Variants in LYST observed in about 807,000 individuals in gnomAD.
LYST encodes lysosomal trafficking regulator, also known as lysosomal-trafficking regulator.
In LYST, 192 loss-of-function variants were observed where a neutral mutation model predicts 413.6. The observed-to-expected ratio is 0.46, with a 90% CI of 0.41 to 0.52. LYST has a LOEUF of 0.52. Ranked by LOEUF, LYST falls within the 20% of genes least tolerant of loss-of-function variation. LYST has a pLI of 0.00. For synonymous variants in LYST, 1,525 were observed against 1,567.3 expected, an observed-to-expected ratio of 0.97 and a Z score of 0.64; for missense variants, 3,815 against 4,499.9, an observed-to-expected ratio of 0.85 and a Z score of 4.35.
chr1:235,741,342 T>G (rs1426207870), intron 31 of LYST, 80 bp downstream of exon 31: 2 of 1,199,646 alleles, frequency 1.7e-6, no homozygotes, highest in Admixed American at 1.7e-5. Context: ...GAACATTCAG[T>G]TTAATTTCAG....
At chr1:235,787,723 T>C (rs544982139) in intron 13 of LYST, among the ~76,000 whole-genome samples, 3 of 152,174 alleles carry the variant, frequency 2.0e-5, no homozygotes, top group Non-Finnish European at 2.9e-5. Context: ...GAAAAATTAA[T>C]ATAAATGTCT....
At chr1:235,717,402 A>G (rs1662939644) in intron 40 of LYST, among the ~76,000 whole-genome samples, 1 of 152,246 alleles carries the variant, frequency 6.6e-6, no homozygotes, top group African/African-American at 2.4e-5. Flanking sequence ...GCCGGTGTTC[A>G]CATTCTGTGA....
chr1:235,702,526 G>A (rs577285772), intron 45 of LYST, among the ~76,000 whole-genome samples: 11 of 152,276 alleles, frequency 7.2e-5, no homozygotes, highest in Non-Finnish European at 1.3e-4. Flanking sequence ...CGTCTGAAAC[G>A]ATGAATTCTT....
At chr1:235,789,122 C>T (rs956539424) in intron 12 of LYST, among the ~76,000 whole-genome samples, 5 of 152,042 alleles carry the variant, frequency 3.3e-5, no homozygotes, top group Non-Finnish European at 5.9e-5. Context: ...GTAACCAGAC[C>T]GCTATGTGAC....
intron 49 of LYST, 31 bp from the exon 50 acceptor site, chr1:235,677,219 G>C: frequency 1.4e-6 from 2 of 1,458,316 alleles, no homozygotes; most frequent in Non-Finnish European, 1.9e-6. Flanking sequence ...ATTTGTATAT[G>C]ATCATTAAAT....
chr1:235,849,775 C>CAAA (rs57262471), intron 1 of LYST, among the ~76,000 whole-genome samples: 7 of 61,814 alleles, frequency 1.1e-4, no homozygotes, highest in South Asian at 7.0e-4. Flanking sequence ...ACAATAGCTC[C>CAAA]AAAAAAAAAA....
At position 235,806,548 on chromosome 1, in the gene LYST, G is replaced by A; in HGVS notation, c.2588C>T (p.Ala863Val). 2 of 1,614,000 alleles carry A rather than the reference G, an allele frequency of 1.2e-6. No homozygotes were observed. Among genetic ancestry groups the A allele is most frequent in the Non-Finnish European group, 1.7e-6 (2 of 1,179,936 alleles). Residue 863 changes from alanine (A) to valine (V), a missense_variant, in exon 6 of 53, where the codon GCT (alanine) becomes GTT (valine). This residue lies in a region of LYST where 1,648 missense variants were observed against 1,810.3 expected (regional missense o/e 0.91). Coordinates refer to ENST00000389793, the MANE Select transcript of LYST (RefSeq NM_000081.4). ...HVGTSFHHQQ[A>V]YSDSPQSLSK... ...GAGACTCTGAGGAGAATCTGAATAAGCTTGCTGATGATGAAAAGAAGTACC... is the reference window on the plus strand; with the variant it reads ...GAGACTCTGAGGAGAATCTGAATAAACTTGCTGATGATGAAAAGAAGTACC...
rs535995710 is a variant in LYST, at chr1:235,808,942, C to T, written c.1876G>A (p.Ala626Thr). 3.1e-6 allele frequency: 5 copies of T among 1,612,940 alleles called. No individual in the cohort carries two copies. The African/African-American group carries it at 5.3e-5, about 17-fold the overall frequency. ...TTTTTAATTTTTGGTGATATCTCTG[C>T]TCCTCCTAACTGATCCAAAATAAGT... Reference protein sequence around the residue: ...NKLILDQLGGAEISPKIKKAA... With the variant: ...NKLILDQLGGTEISPKIKKAA... The change falls in exon 5 of 53, where the codon GCA becomes ACA. Residue 626 changes from alanine to threonine, a missense_variant. By Grantham distance (58) the Ala-to-Thr change is moderately conservative (BLOSUM62 0). Around this residue, in one of 4 missense-constraint regions of LYST, gnomAD observed 1,648 missense variants for 1,810.3 expected, o/e 0.91. Transcript: ENST00000389793.
intron 44 of LYST, among the ~76,000 whole-genome samples, chr1:235,706,744 T>C (rs866260589): frequency 2.0e-5 from 3 of 152,224 alleles, no homozygotes; most frequent in African/African-American, 7.2e-5. Context: ...AACTTTTCCA[T>C]AGCATTTATC....
intron 31 of LYST, chr1:235,738,897 C>CGT (rs1665072780): frequency 1.4e-6 from 1 of 737,192 alleles, no homozygotes; most frequent in Non-Finnish European, 2.5e-6. Context: ...AATCTCAGAC[C>CGT]GTGTGAAGGT....
rs71174466 is a variant in LYST, at chr1:235,882,078, TCA to T, written n.454+1107_454+1108del. ...CACATACACACACACACTCTTTCTT[TCA>T]CACACACACACACACACACACACAC... On this transcript the variant is annotated intron_variant and non_coding_transcript_variant, in intron 1 of 11. Transcript: ENST00000465349. 4.2e-3 allele frequency among the ~76,000 whole-genome samples: 609 copies of T among 145,474 alleles called. 4 individuals carry two copies. The highest frequency in any genetic ancestry group is 0.01 in the African/African-American group (405 of 38,954).
Position 235,809,582 on chromosome 1 carries a change from C to G in LYST, c.1236G>C (p.Leu412=). 1 of 1,614,020 alleles carries G rather than the reference C, an allele frequency of 6.2e-7. No homozygotes were observed. The highest frequency in any genetic ancestry group is 8.5e-7 in the Non-Finnish European group (1 of 1,179,950). Reference sequence around the variant, plus strand: ...AAGCTGCACTTTGAAGACAACAGATCAGAATCTGAAGAACTCCTTCCAAAA... The same window carrying G: ...AAGCTGCACTTTGAAGACAACAGATGAGAATCTGAAGAACTCCTTCCAAAA... ...PELLEGVLQI[L]ICCLQSAASN... The change falls in exon 5 of 53, where the codon CTG becomes CTC. Residue 412 remains leucine, a synonymous_variant. Transcript: ENST00000389793. This position sits in a 1 kb window ranked among gnomAD's most constrained non-coding sequence, Gnocchi z 4.0.
At chr1:235,705,125 T>C (rs1661873176) in intron 44 of LYST, among the ~76,000 whole-genome samples, 1 of 152,146 alleles carries the variant, frequency 6.6e-6, no homozygotes, top group Non-Finnish European at 1.5e-5. Flanking sequence ...TACATTTTGG[T>C]ACAGAGAGGT....
At chr1:235,719,903 T>C (rs757686383) in intron 40 of LYST, among the ~76,000 whole-genome samples, 5 of 151,370 alleles carry the variant, frequency 3.3e-5, no homozygotes, top group Non-Finnish European at 5.9e-5. Context: ...GCTGGCTGGG[T>C]GTAGTGGCTC....
intron 1 of LYST, among the ~76,000 whole-genome samples, chr1:235,833,945 C>A (rs1452665116): frequency 6.6e-6 from 1 of 152,096 alleles, no homozygotes; most frequent in Non-Finnish European, 1.5e-5. Context: ...AAGTTAACTG[C>A]AAAGGAGAAT....
At chr1:235,727,734 A>G (rs1664017669) in intron 38 of LYST, among the ~76,000 whole-genome samples, 1 of 152,122 alleles carries the variant, frequency 6.6e-6, no homozygotes. Context: ...TTTCTTTCTG[A>G]AGGCAAAGGT....
At chr1:235,775,945 A>C (rs925639303) in intron 17 of LYST, among the ~76,000 whole-genome samples, 1 of 152,196 alleles carries the variant, frequency 6.6e-6, no homozygotes, top group Non-Finnish European at 1.5e-5. Flanking sequence ...TAGACTTAAA[A>C]ACATACTTTA....
chr1:235,803,473 A>T (rs997737458), intron 7 of LYST, among the ~76,000 whole-genome samples: 1 of 152,196 alleles, frequency 6.6e-6, no homozygotes, highest in Non-Finnish European at 1.5e-5. Context: ...TAAATGCCTT[A>T]TAAGTTAGGT....
chr1:235,772,148 C>G (rs997076268), intron 19 of LYST, among the ~76,000 whole-genome samples: 1 of 151,952 alleles, frequency 6.6e-6, no homozygotes, highest in Admixed American at 6.6e-5. Flanking sequence ...CCACTTGAAC[C>G]TGAGAGGCAG....
Sources: allele counts gnomAD v4.1 joint callset (sites outside exome capture counted in the v4.1 genomes callset), GRCh38; gene constraint gnomAD v4.1.1; regional missense constraint gnomAD v4.1.1; non-coding constraint Gnocchi (gnomAD v3.1); transcripts MANE v1.5; gene names NCBI Gene and HGNC (gene_info 2026-07-23, HGNC 2026-07-21).